The following GPHN variants were observed in gnomAD, a reference collection of about 807,000 sequenced individuals.
The protein encoded by GPHN is gephyrin.
In GPHN, 17 loss-of-function variants were observed where a neutral mutation model predicts 95.5. That is an observed-to-expected ratio of 0.18 (90% confidence interval 0.12 to 0.27). GPHN has a LOEUF of 0.27. GPHN is among the 10% of genes least tolerant of loss of function. The pLI is 1.00. For missense variants in GPHN, 660 were observed against 978.1 expected, an observed-to-expected ratio of 0.67 and a Z score of 4.34; for synonymous variants, 320 against 322.5, an observed-to-expected ratio of 0.99 and a Z score of 0.08.
intron 9 of GPHN, among the ~76,000 whole-genome samples, chr14:66,973,146 A>AT: frequency 6.6e-6 from 1 of 152,208 alleles, no homozygotes; most frequent in African/African-American, 2.4e-5. Flanking sequence ...CTTTATATAT[A>AT]TATTTTTTTT....
intron 2 of GPHN, among the ~76,000 whole-genome samples, chr14:66,714,573 T>C (rs1373328904): frequency 2.0e-5 from 3 of 152,206 alleles, no homozygotes; most frequent in Non-Finnish European, 4.4e-5. Flanking sequence ...GAGGGAATGC[T>C]TTCAACTTTT....
chr14:66,547,674 G>C (rs573141554), intron 1 of GPHN, among the ~76,000 whole-genome samples: 1 of 152,292 alleles, frequency 6.6e-6, no homozygotes, highest in Non-Finnish European at 1.5e-5. Flanking sequence ...CAAACAGTAA[G>C]TATCAGTTCG....
the GPHN span, among the ~76,000 whole-genome samples, chr14:67,276,053 C>G: frequency 1.3e-4 from 20 of 152,154 alleles, no homozygotes; most frequent in South Asian, 4.2e-3. Flanking sequence ...TTTTGTTGAT[C>G]TTTTCAAAAA....
intron 5 of GPHN, among the ~76,000 whole-genome samples, chr14:66,899,321 T>C (rs1180942067): frequency 6.6e-6 from 1 of 151,866 alleles, no homozygotes; most frequent in Non-Finnish European, 1.5e-5. Flanking sequence ...ATGGTGAAAA[T>C]GGATATCCTT....
At chr14:67,254,646 A>G in the GPHN span, among the ~76,000 whole-genome samples, 2,663 of 152,268 alleles carry the variant, frequency 0.017, 38 homozygotes, top group African/African-American at 0.037. Context: ...ATAGCACCAG[A>G]TATGAGTCCT....
chr14:66,809,453 A>G (rs2060674348), intron 3 of GPHN, among the ~76,000 whole-genome samples: 1 of 152,192 alleles, frequency 6.6e-6, no homozygotes, highest in Non-Finnish European at 1.5e-5. Context: ...AGTAAAGGAA[A>G]ACTGTGTGAT....
chr14:67,671,162 A>C, the GPHN span, among the ~76,000 whole-genome samples: 6 of 152,356 alleles, frequency 3.9e-5, no homozygotes, highest in African/African-American at 1.4e-4. Context: ...TGGACTTATT[A>C]TAATTCTAGG....
the GPHN span, among the ~76,000 whole-genome samples, chr14:67,618,071 G>T: frequency 6.6e-6 from 1 of 152,148 alleles, no homozygotes; most frequent in Non-Finnish European, 1.5e-5. Context: ...ACCTGTGCCA[G>T]TATCAACTTC....
the GPHN span, among the ~76,000 whole-genome samples, chr14:67,435,624 G>A: frequency 1.3e-5 from 2 of 152,174 alleles, no homozygotes; most frequent in African/African-American, 2.4e-5. Context: ...TCCCAGGGAG[G>A]TCACTGGAAG....
chr14:66,773,415 G>A (rs374104457), intron 2 of GPHN, among the ~76,000 whole-genome samples: 5 of 146,748 alleles, frequency 3.4e-5, no homozygotes, highest in East Asian at 2.0e-4. Context: ...TTTCAATGGC[G>A]CAATCTCAGC....
chr14:67,121,485 A>G (rs773291911), intron 16 of GPHN, among the ~76,000 whole-genome samples: 2 of 152,174 alleles, frequency 1.3e-5, no homozygotes, highest in Non-Finnish European at 2.9e-5. Context: ...GGTAGTTATT[A>G]TTACTATATT....
chr14:67,144,268 T>TACATACATAC (rs1567400892), intron 18 of GPHN, among the ~76,000 whole-genome samples: 1 of 105,824 alleles, frequency 9.4e-6, no homozygotes, highest in African/African-American at 4.0e-5. Context: ...TATATATATA[T>TACATACATAC]ATATATATAT....
At chr14:67,275,546 A>G in the GPHN span, among the ~76,000 whole-genome samples, 1 of 152,170 alleles carries the variant, frequency 6.6e-6, no homozygotes, top group Non-Finnish European at 1.5e-5. Context: ...AGATTTTCGC[A>G]TCGACATTCA....
chr14:67,444,632 C>T, the GPHN span, among the ~76,000 whole-genome samples: 1 of 152,282 alleles, frequency 6.6e-6, no homozygotes, highest in Non-Finnish European at 1.5e-5. Context: ...CAGGATAGAA[C>T]CCCTAGATAG....
chr14:67,163,324 T>TAAAA (rs2082071737), intron 19 of GPHN, among the ~76,000 whole-genome samples: 1 of 151,838 alleles, frequency 6.6e-6, no homozygotes, highest in African/African-American at 2.4e-5. Context: ...AATAAATAAA[T>TAAAA]AAAAATAGAT....
chr14:67,053,175 G>GTT (rs1249086309), intron 10 of GPHN, among the ~76,000 whole-genome samples: 13 of 94,066 alleles, frequency 1.4e-4, no homozygotes, highest in Admixed American at 7.9e-4. Flanking sequence ...GAGCTGGTTT[G>GTT]TTTTTTTTTT....
chr14:67,150,014 TACTC>T (rs1309219818), intron 18 of GPHN, among the ~76,000 whole-genome samples: 12 of 152,220 alleles, frequency 7.9e-5, no homozygotes, highest in South Asian at 4.1e-4. Flanking sequence ...AATGCTCTAA[TACTC>T]TATCTTAGAA....
chr14:67,017,196 G>A (rs2073362910), intron 9 of GPHN, among the ~76,000 whole-genome samples: 1 of 152,050 alleles, frequency 6.6e-6, no homozygotes, highest in Admixed American at 6.6e-5. Flanking sequence ...ACACATAAGA[G>A]CTATTATTAA....
intron 9 of GPHN, among the ~76,000 whole-genome samples, chr14:67,021,134 A>C (rs2073603438): frequency 6.6e-6 from 1 of 152,104 alleles, no homozygotes; most frequent in African/African-American, 2.4e-5. Context: ...GCAAGAGAAA[A>C]AGTTATTTGC....
Sources: gnomAD v4.1 joint callset for allele counts (sites outside exome capture counted in the v4.1 genomes callset) on GRCh38, gnomAD v4.1.1 for gene constraint, MANE v1.5 for transcripts, NCBI Gene and HGNC (gene_info 2026-07-23, HGNC 2026-07-21) for gene names.